NRDC: variants seen among roughly 807,000 people sequenced by gnomAD.
NRDC encodes the protein nardilysin convertase.
A neutral mutation model predicts 147.1 loss-of-function variants in NRDC; 54 were observed. The ratio of observed to expected loss-of-function variants is 0.37; its 90% confidence interval spans 0.29 to 0.46. The LOEUF is 0.46. Among genes scored for constraint, NRDC ranks in the 20% least tolerant of loss-of-function variants. NRDC has a pLI of 1.00. For missense variants in NRDC, 1,082 were observed against 1,370.6 expected, an observed-to-expected ratio of 0.79 and a Z score of 3.33; for synonymous variants, 440 against 482.1, an observed-to-expected ratio of 0.91 and a Z score of 1.14.
Position 51,794,873 on chromosome 1 carries a change from T to C in NRDC, c.2605-19A>G, listed in dbSNP as rs1178456098. On this transcript the variant is annotated intron_variant, in intron 22 of 30. Transcript: ENST00000352171. The stretch of plus-strand genomic sequence containing the variant: ...TAGATTCCTAAGAGGCAAAAGAGAA[T>C]AACTACATTAAGCTCTCTAGACATT... 8 of 1,613,502 alleles carry C rather than the reference T, an allele frequency of 5.0e-6. No individual in the cohort carries two copies. Among genetic ancestry groups the C allele is most frequent in the South Asian group, 1.1e-5 (1 of 90,974 alleles).
intron 25 of NRDC, 125 bp downstream of exon 25, chr1:51,792,252 T>C (rs1678690960): frequency 1.5e-6 from 2 of 1,331,836 alleles, no homozygotes. Flanking sequence ...GAACAGTAAA[T>C]GACCATCTCA....
intron 5 of NRDC, 144 bp downstream of exon 5, chr1:51,827,650 CTT>C (rs1035961328): frequency 6.8e-5 from 42 of 620,306 alleles, no homozygotes; most frequent in Middle Eastern, 2.7e-4. Context: ...TGTTTAATGA[CTT>C]CAGGAACAAA....
Position 51,840,216 on chromosome 1 carries a change from T to A in NRDC, c.630+10A>T. On this transcript the variant is annotated intron_variant, in intron 2 of 30. Coordinates refer to ENST00000352171, the MANE Select transcript of NRDC (RefSeq NM_001101662.2). ...TTCCCAAATTAGAAGAAAACAGACA[T>A]GACTCGCACCTGTTTTTCAGTAGTT... 1.3e-6 allele frequency: 2 copies of A among 1,576,154 alleles called. No individual in the cohort carries two copies. Among genetic ancestry groups the A allele is most frequent in the African/African-American group, 1.4e-5 (1 of 73,122 alleles).
intron 11 of NRDC, among the ~76,000 whole-genome samples, chr1:51,815,603 C>T (rs2149204416): frequency 6.6e-6 from 1 of 152,072 alleles, no homozygotes; most frequent in African/African-American, 2.4e-5. Context: ...ACATATGAAC[C>T]CAATATCATT....
At chr1:51,807,011 G>T in intron 17 of NRDC, 98 bp from the exon 18 acceptor site, 1 of 1,398,898 alleles carries the variant, frequency 7.1e-7, no homozygotes, top group Non-Finnish European at 9.6e-7. Flanking sequence ...TTTCTCTGTG[G>T]CAAAAATAAG....
chr1:51,845,660 A>G (rs1311196219), intron 1 of NRDC, among the ~76,000 whole-genome samples: 1 of 152,194 alleles, frequency 6.6e-6, no homozygotes, highest in African/African-American at 2.4e-5. Context: ...CACACTACCT[A>G]AAATAGCTCT....
At chr1:51,850,343 A>C (rs1324020455) in intron 1 of NRDC, among the ~76,000 whole-genome samples, 1 of 152,218 alleles carries the variant, frequency 6.6e-6, no homozygotes, top group African/African-American at 2.4e-5. Context: ...ACCACAACTC[A>C]ACAAATGATG....
intron 1 of NRDC, chr1:51,860,250 CAGGGTTGATTTAGAT>C (rs1391625932): frequency 6.5e-6 from 1 of 153,998 alleles, no homozygotes; most frequent in Non-Finnish European, 1.5e-5. Flanking sequence ...GTTGACTAGT[CAGGGTTGATTTAGAT>C]AGGGTTGATT....
At chr1:51,839,226 C>T (rs1681144724) in intron 2 of NRDC, among the ~76,000 whole-genome samples, 2 of 140,420 alleles carry the variant, frequency 1.4e-5, no homozygotes, top group African/African-American at 5.3e-5. Flanking sequence ...GTGGTGTAAT[C>T]AAAGCTCACT....
intron 13 of NRDC, 90 bp downstream of exon 13, chr1:51,814,461 A>T: frequency 7.9e-7 from 1 of 1,265,078 alleles, no homozygotes; most frequent in South Asian, 1.3e-5. Context: ...AAAAACCATC[A>T]AGGCAAGACT....
At chr1:51,826,034 G>A (rs1397503491) in intron 5 of NRDC, among the ~76,000 whole-genome samples, 1 of 152,186 alleles carries the variant, frequency 6.6e-6, no homozygotes, top group Non-Finnish European at 1.5e-5. Context: ...AAGAGTGAAG[G>A]CAGTTTTCTA....
intron 7 of NRDC, 103 bp downstream of exon 7, chr1:51,823,548 TGTATTAAGGTCAA>T (rs34812066): frequency 0.56 from 424,369 of 763,114 alleles, 117,919 homozygotes; most frequent in East Asian, 0.94. Context: ...TCCTTTACTT[TGTATTAAGGTCAA>T]GCACTAAAGT....
At chr1:51,799,360 C>A (rs752356086) in intron 21 of NRDC, among the ~76,000 whole-genome samples, 2 of 152,114 alleles carry the variant, frequency 1.3e-5, no homozygotes, top group East Asian at 1.9e-4. Flanking sequence ...CCCCCACCCC[C>A]CAACAGGCCC....
intron 1 of NRDC, among the ~76,000 whole-genome samples, chr1:51,854,692 G>A (rs1250343319): frequency 1.3e-5 from 2 of 152,234 alleles, no homozygotes; most frequent in African/African-American, 2.4e-5. Context: ...GGGAGGCCAA[G>A]GTGGGAGGAT....
At chr1:51,819,742 G>C in intron 9 of NRDC, 58 bp downstream of exon 9, 1 of 1,373,038 alleles carries the variant, frequency 7.3e-7, no homozygotes, top group Non-Finnish European at 1.0e-6. Flanking sequence ...GCTTCAATTA[G>C]GTTATAGAGA....
intron 1 of NRDC, among the ~76,000 whole-genome samples, chr1:51,844,799 G>T (rs75054156): frequency 0.029 from 2,657 of 90,644 alleles, 236 homozygotes; most frequent in African/African-American, 0.11. Context: ...AGGGGAGGAG[G>T]GGGGAGGGAG....
intron 4 of NRDC, among the ~76,000 whole-genome samples, chr1:51,829,241 T>C (rs972351073): frequency 3.3e-5 from 5 of 152,170 alleles, no homozygotes; most frequent in African/African-American, 1.2e-4. Context: ...TTTTTTTCCC[T>C]CACCATGTTA....
intron 20 of NRDC, among the ~76,000 whole-genome samples, chr1:51,803,573 G>A (rs72900059): frequency 0.014 from 2,192 of 152,142 alleles, 53 homozygotes; most frequent in African/African-American, 0.05. Context: ...GACAGCAAAG[G>A]GAAGTGAAAT....
At chr1:51,877,538 T>C (rs186607835) in intron 1 of NRDC, among the ~76,000 whole-genome samples, 18 of 146,458 alleles carry the variant, frequency 1.2e-4, no homozygotes, top group African/African-American at 3.7e-4. Flanking sequence ...AGATACATCA[T>C]AGTCATGATA....
Sources: gnomAD v4.1 joint callset for allele counts (sites outside exome capture counted in the v4.1 genomes callset) on GRCh38, gnomAD v4.1.1 for gene constraint, MANE v1.5 for transcripts, NCBI Gene and HGNC (gene_info 2026-07-23, HGNC 2026-07-21) for gene names.